Variants in DLG2 observed in about 807,000 individuals in gnomAD.
The protein encoded by DLG2 is discs large MAGUK scaffold protein 2.
A neutral mutation model predicts 132.5 loss-of-function variants in DLG2; 45 were observed. The ratio of observed to expected loss-of-function variants is 0.34; its 90% confidence interval spans 0.27 to 0.44. The LOEUF (loss-of-function observed/expected upper bound fraction) is 0.44. Ranked by LOEUF, DLG2 falls within the 20% of genes least tolerant of loss-of-function variation. The pLI is 1.00. For synonymous variants in DLG2, 424 were observed against 419.6 expected (o/e 1.01, Z -0.13); for missense variants, 1,045 against 1,196.9 (o/e 0.87, Z 1.87).
intron 6 of DLG2, among the ~76,000 whole-genome samples, chr11:84,556,339 G>A (rs1170403663): frequency 6.6e-6 from 1 of 152,100 alleles, no homozygotes; most frequent in Non-Finnish European, 1.5e-5. Flanking sequence ...TTGTAAACTT[G>A]AGCATCTGAC....
At chr11:84,215,822 C>A (rs142316954) in intron 8 of DLG2, among the ~76,000 whole-genome samples, 1 of 151,982 alleles carries the variant, frequency 6.6e-6, no homozygotes, top group Non-Finnish European at 1.5e-5. Context: ...TAGAAATAGT[C>A]CAGAAAAATG....
chr11:83,867,626 A>G (rs988564199), intron 16 of DLG2, among the ~76,000 whole-genome samples: 1 of 152,152 alleles, frequency 6.6e-6, no homozygotes, highest in Admixed American at 6.6e-5. Flanking sequence ...TATTTTTGCT[A>G]TTTTGTTAGT....
At chr11:85,150,080 C>T (rs1022696165) in intron 5 of DLG2, among the ~76,000 whole-genome samples, 2 of 129,034 alleles carry the variant, frequency 1.5e-5, no homozygotes, top group African/African-American at 6.2e-5. Flanking sequence ...AGGGCAGTGG[C>T]TTAATCTCAG....
chr11:84,239,215 C>G (rs1305543853), intron 8 of DLG2, among the ~76,000 whole-genome samples: 1 of 152,090 alleles, frequency 6.6e-6, no homozygotes, highest in African/African-American at 2.4e-5. Context: ...GACCAAGTCT[C>G]TGTCAACCAG....
chr11:84,867,793 G>A (rs2084814504), intron 6 of DLG2, among the ~76,000 whole-genome samples: 1 of 152,226 alleles, frequency 6.6e-6, no homozygotes, highest in East Asian at 1.9e-4. Flanking sequence ...ATAATTATGG[G>A]GCCGGACGTG....
chr11:84,863,707 G>C (rs2154031294), intron 6 of DLG2, among the ~76,000 whole-genome samples: 1 of 152,244 alleles, frequency 6.6e-6, no homozygotes, highest in East Asian at 1.9e-4. Context: ...AAAATGGAAA[G>C]ATAAATACAG....
chr11:84,123,560 C>T (rs532160894), intron 9 of DLG2, among the ~76,000 whole-genome samples: 4 of 152,232 alleles, frequency 2.6e-5, no homozygotes, highest in East Asian at 3.9e-4. Context: ...TCCTCTGCTC[C>T]GGGTACTGTA....
At chr11:84,147,765 C>G (rs991814344) in intron 9 of DLG2, among the ~76,000 whole-genome samples, 5 of 152,116 alleles carry the variant, frequency 3.3e-5, no homozygotes, top group African/African-American at 1.2e-4. Flanking sequence ...CACATATACA[C>G]ACGCACACAA....
chr11:84,594,011 C>A (rs1330130563), intron 6 of DLG2, among the ~76,000 whole-genome samples: 1 of 151,996 alleles, frequency 6.6e-6, no homozygotes, highest in African/African-American at 2.4e-5. Context: ...CCAAGAAATG[C>A]CAATACATTT....
At chr11:83,862,715 T>TA (rs1201088851) in intron 16 of DLG2, among the ~76,000 whole-genome samples, 16 of 152,090 alleles carry the variant, frequency 1.1e-4, no homozygotes. Flanking sequence ...TCTACAAACT[T>TA]TAAAACTCTG....
At chr11:85,321,776 T>A (rs2081084935) in intron 3 of DLG2, among the ~76,000 whole-genome samples, 1 of 152,074 alleles carries the variant, frequency 6.6e-6, no homozygotes, top group African/African-American at 2.4e-5. Flanking sequence ...AATCAATGTT[T>A]AGTCATTGAT....
chr11:83,581,016 T>G (rs1195991386), intron 19 of DLG2, among the ~76,000 whole-genome samples: 2 of 150,722 alleles, frequency 1.3e-5, no homozygotes, highest in Non-Finnish European at 2.9e-5. Flanking sequence ...TAGCAGAAAG[T>G]TCAACATGTA....
intron 6 of DLG2, among the ~76,000 whole-genome samples, chr11:84,930,954 T>A (rs530309694): frequency 6.6e-6 from 1 of 152,098 alleles, no homozygotes; most frequent in Admixed American, 6.6e-5. Context: ...TCTGACTTCT[T>A]AACACATTGA....
chr11:83,846,391 G>C (rs570385617), intron 16 of DLG2, among the ~76,000 whole-genome samples: 1 of 152,286 alleles, frequency 6.6e-6, no homozygotes, highest in African/African-American at 2.4e-5. Context: ...TGTGTACTCA[G>C]GGGAGACTTT....
At chr11:84,602,628 A>T (rs1164876808) in intron 6 of DLG2, among the ~76,000 whole-genome samples, 1 of 151,990 alleles carries the variant, frequency 6.6e-6, no homozygotes, top group African/African-American at 2.4e-5. Flanking sequence ...ATCACCAAAA[A>T]GCAAGTGTAA....
In DLG2 at chr11:84,823,627, A is replaced by T. The variant is rs892269206; in HGVS notation, c.357+288034T>A. Among the ~76,000 whole-genome samples, 6 of 136,808 alleles carry T rather than the reference A, an allele frequency of 4.4e-5. No individual in the cohort carries two copies. In the East Asian group the frequency reaches 1.1e-3, roughly 24 times the overall value. The allele number at this position is 136,808 out of a possible 152,430, so 89.8% of individuals were successfully genotyped here. ...CACACACACACACACACACACACAC[A>T]CTTCATATTCCCCTGCCGAGCCCAG... On this transcript the variant is annotated intron_variant, in intron 6 of 27. Transcript: ENST00000376104.
At chr11:83,583,633 A>G (rs1201322144) in intron 19 of DLG2, among the ~76,000 whole-genome samples, 1 of 152,232 alleles carries the variant, frequency 6.6e-6, no homozygotes, top group Non-Finnish European at 1.5e-5. Context: ...AAATGAGTCA[A>G]CTGATACAGT....
chr11:85,016,852 C>T (rs2059616761), intron 6 of DLG2, among the ~76,000 whole-genome samples: 1 of 152,024 alleles, frequency 6.6e-6, no homozygotes, highest in African/African-American at 2.4e-5. Context: ...ACAGCCAGAC[C>T]CAGAAAGCTA....
intron 6 of DLG2, among the ~76,000 whole-genome samples, chr11:84,983,355 T>C (rs572849819): frequency 6.6e-6 from 1 of 152,230 alleles, no homozygotes; most frequent in South Asian, 2.1e-4. Flanking sequence ...CAGAGCCTGG[T>C]AGACTTGCTG....
Sources: allele counts gnomAD v4.1 joint callset (sites outside exome capture counted in the v4.1 genomes callset), GRCh38; gene constraint gnomAD v4.1.1; transcripts MANE v1.5; gene names NCBI Gene and HGNC (gene_info 2026-07-23, HGNC 2026-07-21).